Variants in RB1 observed in about 807,000 individuals in gnomAD.
RB1 encodes the protein RB transcriptional corepressor 1.
RB1 carries 18 observed loss-of-function variants against 135.4 expected under a neutral mutation model. The observed-to-expected ratio is 0.13, with a 90% confidence interval of 0.09 to 0.20. RB1 has a LOEUF of 0.20. RB1 is among the 10% of genes least tolerant of loss of function. The pLI is 1.00. For missense variants in RB1, 868 were observed against 1,110.0 expected (o/e 0.78, Z 3.10); for synonymous variants, 365 against 373.2 (o/e 0.98, Z 0.25).
chr13:48,329,415 T>C (rs1323016695), intron 2 of RB1, among the ~76,000 whole-genome samples: 1 of 152,226 alleles, frequency 6.6e-6, no homozygotes, highest in Non-Finnish European at 1.5e-5. Flanking sequence ...AGCTGCCAAC[T>C]AGTGCTTTTC....
At chr13:48,315,204 C>A (rs1952171460) in intron 2 of RB1, among the ~76,000 whole-genome samples, 1 of 152,118 alleles carries the variant, frequency 6.6e-6, no homozygotes, top group Admixed American at 6.5e-5. Context: ...CGTGTCATCT[C>A]TGATTTATTT....
At chr13:48,305,829 C>CT (rs767934614) in intron 1 of RB1, among the ~76,000 whole-genome samples, 2 of 152,206 alleles carry the variant, frequency 1.3e-5, no homozygotes, top group African/African-American at 2.4e-5. Context: ...CTCAGTCCAA[C>CT]TGCACCTCCA....
intron 2 of RB1, among the ~76,000 whole-genome samples, chr13:48,312,306 C>T (rs1425106497): frequency 1.3e-5 from 2 of 151,850 alleles, no homozygotes; most frequent in African/African-American, 2.4e-5. Flanking sequence ...GTTAGGGTTC[C>T]CTGTGTCTCT....
At position 48,465,121 on chromosome 13, in the gene RB1, A is replaced by G. The variant is rs763525092; in HGVS notation, c.2325+10A>G. On this transcript the variant is annotated intron_variant, in intron 22 of 26. Transcript: ENST00000267163. ...GTATGCTTCCACCAGGGTAGGTCAA[A>G]AGTATCCTTTGATTGGAAAAATCTA... 3.7e-6 allele frequency: 6 copies of G among 1,613,756 alleles called. No homozygotes were observed. Among genetic ancestry groups the G allele is most frequent in the Non-Finnish European group, 5.1e-6 (6 of 1,179,750 alleles).
chr13:48,303,998 C>T lies in RB1; in HGVS notation c.86C>T (p.Pro29Leu), dbSNP rs938094455. Residue 29 changes from proline (P) to leucine (L), a missense_variant, in exon 1 of 27, where the codon CCT (proline) becomes CTT (leucine). Pro to Leu is a moderately conservative substitution (Grantham distance 98). Transcript: ENST00000267163. The stretch of plus-strand genomic sequence containing the variant: ...CCGGCACCGCCGCCGCCGCCCCCTC[C>T]TGAGGAGGACCCAGAGCAGGACAGC... ...EPPAPPPPPP[P>L]EEDPEQDSGP... The T allele has an allele frequency of 6.7e-7, 1 of 1,497,764 alleles. No homozygotes were observed. The highest frequency in any genetic ancestry group is 8.8e-7 in the Non-Finnish European group (1 of 1,131,764). The allele number at this position is 1,497,764 out of a possible 1,614,324, so 92.8% of individuals were successfully genotyped here.
intron 24 of RB1, among the ~76,000 whole-genome samples, chr13:48,474,048 A>G (rs1384850768): frequency 1.3e-5 from 2 of 152,276 alleles, no homozygotes; most frequent in African/African-American, 4.8e-5. Flanking sequence ...ATGAAGAAAT[A>G]TTATATAGGG....
Position 48,477,346 on chromosome 13 carries a change from A to C in RB1, c.2664-9A>C, listed in dbSNP as rs369154092. 8 of 1,603,308 alleles carry C rather than the reference A, an allele frequency of 5.0e-6. No homozygotes were observed. In the African/African-American group the frequency reaches 8.0e-5, roughly 16 times the overall value. On this transcript the variant is annotated splice_polypyrimidine_tract_variant and intron_variant, in intron 25 of 26. Coordinates refer to ENST00000267163, the MANE Select transcript of RB1 (RefSeq NM_000321.3). Reference sequence around the variant, plus strand: ...CACATGAAATGTTTTGCATTTTTTTAATCTGCAGTAAACATCTCCCAGGAG... The same window carrying C: ...CACATGAAATGTTTTGCATTTTTTTCATCTGCAGTAAACATCTCCCAGGAG...
chr13:48,306,461 A>G (rs1429269130), intron 1 of RB1, among the ~76,000 whole-genome samples: 1 of 152,214 alleles, frequency 6.6e-6, no homozygotes, highest in African/African-American at 2.4e-5. Context: ...TTGGCAGTCT[A>G]GAATAGTGGT....
intron 20 of RB1, 104 bp downstream of exon 20, chr13:48,459,937 C>CTTTCTTTCTT (rs1949390269): frequency 2.0e-6 from 1 of 496,346 alleles, no homozygotes; most frequent in African/African-American, 3.6e-5. Context: ...TTCTTTCTTT[C>CTTTCTTTCTT]TTTCTTTCTT....
intron 7 of RB1, 95 bp downstream of exon 7, chr13:48,360,222 A>T (rs1402441239): frequency 6.4e-7 from 1 of 1,565,018 alleles, no homozygotes; most frequent in Non-Finnish European, 8.6e-7. Flanking sequence ...GGCTGACAGG[A>T]TGATAAAAAA....
At chr13:48,366,040 G>C (rs754988659) in intron 9 of RB1, among the ~76,000 whole-genome samples, 3 of 152,136 alleles carry the variant, frequency 2.0e-5, no homozygotes, top group Non-Finnish European at 4.4e-5. Context: ...AGATTCAAAG[G>C]TGCAGTGATG....
chr13:48,412,002 CA>C, intron 17 of RB1: 1 of 1,610,466 alleles, frequency 6.2e-7, no homozygotes, highest in Non-Finnish European at 8.5e-7. Flanking sequence ...CACAGTTAAC[CA>C]CACGCCAGTG....
intron 8 of RB1, among the ~76,000 whole-genome samples, chr13:48,363,692 G>C (rs1289010729): frequency 6.6e-6 from 1 of 152,106 alleles, no homozygotes; most frequent in African/African-American, 2.4e-5. Context: ...AAATATTACA[G>C]CACATAATGA....
chr13:48,333,618 A>T (rs1212450037), intron 2 of RB1, among the ~76,000 whole-genome samples: 1 of 151,864 alleles, frequency 6.6e-6, no homozygotes, highest in Admixed American at 6.6e-5. Context: ...GATACTTACC[A>T]GTTTGCTATT....
In RB1 at chr13:48,399,433, CA is replaced by C. The variant is rs543432136; in HGVS notation, c.1695+17997del. Among the ~76,000 whole-genome samples the C allele has an allele frequency of 4.8e-4, 73 of 151,498 alleles. 2 individuals carry two copies. The South Asian group carries it at 0.015, about 30-fold the overall frequency. On this transcript the variant is annotated intron_variant, in intron 17 of 26. Coordinates refer to ENST00000267163, the MANE Select transcript of RB1 (RefSeq NM_000321.3). Reference sequence around the variant, plus strand: ...GATAGATAAGCAGAAAGAATACAAACAAAAAAAGATAGTAATTTAACTCATA... The same window carrying C: ...GATAGATAAGCAGAAAGAATACAAACAAAAAAGATAGTAATTTAACTCATA...
At chr13:48,479,070 A>C (rs550991259) in intron 26 of RB1, among the ~76,000 whole-genome samples, 1 of 152,202 alleles carries the variant, frequency 6.6e-6, no homozygotes, top group South Asian at 2.1e-4. Context: ...TTACAAAAAA[A>C]TCCAAAAATT....
intron 7 of RB1, 116 bp downstream of exon 7, chr13:48,360,243 A>G: frequency 1.3e-6 from 2 of 1,535,380 alleles, no homozygotes; most frequent in East Asian, 2.4e-5. Context: ...TAAATCAGAC[A>G]TGGACTTTGC....
At chr13:48,327,645 A>G (rs531333574) in intron 2 of RB1, among the ~76,000 whole-genome samples, 6 of 152,300 alleles carry the variant, frequency 3.9e-5, no homozygotes, top group South Asian at 2.1e-4. Flanking sequence ...TTTCCTCCCA[A>G]TACAATACTC....
intron 2 of RB1, among the ~76,000 whole-genome samples, chr13:48,337,548 T>C (rs1389468124): frequency 1.3e-5 from 2 of 152,160 alleles, no homozygotes; most frequent in African/African-American, 2.4e-5. Context: ...CTTCCTCCAT[T>C]CCTTTATTTT....
Sources: gnomAD v4.1 joint callset for allele counts (sites outside exome capture counted in the v4.1 genomes callset) on GRCh38, gnomAD v4.1.1 for gene constraint, MANE v1.5 for transcripts, NCBI Gene and HGNC (gene_info 2026-07-23, HGNC 2026-07-21) for gene names.